SLC19A3: variants seen among roughly 807,000 people sequenced by gnomAD.
SLC19A3 encodes the protein thiamine transporter 2.
SLC19A3 carries 31 observed loss-of-function variants against 40.2 expected under a neutral mutation model. That is an observed-to-expected ratio of 0.77 (90% CI 0.58 to 1.04). The LOEUF is 1.04. Among genes scored for constraint, SLC19A3 ranks in the 50% least tolerant of loss-of-function variants. SLC19A3 has a pLI of 0.00. For missense variants in SLC19A3, 592 were observed against 596.7 expected (o/e 0.99, Z 0.08); for synonymous variants, 212 against 227.5 (o/e 0.93, Z 0.61).
chr2:227,688,789 C>T lies in SLC19A3; in HGVS notation c.1173-482G>A, dbSNP rs138788366. 4.0e-3 allele frequency among the ~76,000 whole-genome samples: 613 copies of T among 152,220 alleles called. 4 individuals are homozygous for T. Among genetic ancestry groups the T allele is most frequent in the Non-Finnish European group, 5.0e-3 (342 of 68,022 alleles). On this transcript the variant is annotated intron_variant, in intron 4 of 5. Transcript: ENST00000644224. ...TCACCAAACAAACTAAATAAGGCAC[C>T]AGGGACCAATCCTGGAGAAACATAT... is the stretch of plus-strand genomic sequence containing the variant.
Position 227,702,466 on chromosome 2 carries a change from C to T in SLC19A3, c.-2-146G>A, listed in dbSNP as rs535387952. On this transcript the variant is annotated intron_variant, in intron 1 of 5. Coordinates refer to ENST00000644224, the MANE Select transcript of SLC19A3 (RefSeq NM_025243.4). ...TGAAGTGCAGTGGCATGATCTCAGC[C>T]CATTGCAACCTGTGCCTCCCGGGCT... 1.3e-4 allele frequency: 99 copies of T among 755,630 alleles called. 1 individual carries two copies. The Middle Eastern group carries it at 1.5e-3, about 12-fold the overall frequency. 46.8% of individuals were successfully genotyped at this position (755,630 alleles called of 1,614,324 possible). A position where few individuals can be genotyped will look rare whatever the true frequency, so the allele number is the denominator to read the frequency against.
chr2:227,717,485 C>T (rs1286006279), intron 1 of SLC19A3, among the ~76,000 whole-genome samples: 1 of 152,122 alleles, frequency 6.6e-6, no homozygotes, highest in East Asian at 1.9e-4. Context: ...GTTGCGTTTT[C>T]TTTTAGTTTC....
chr2:227,699,251 G>A lies in SLC19A3; in HGVS notation c.464C>T (p.Ser155Leu), dbSNP rs1131691615. 1 of 1,614,016 alleles carries A rather than the reference G, an allele frequency of 6.2e-7. No individual in the cohort carries two copies. Among genetic ancestry groups the A allele is most frequent in the Non-Finnish European group, 8.5e-7 (1 of 1,179,950 alleles). ...GGATACCAAGAGTTGAGCCAGCACC[G>A]ACCCTGCTGTGTAGGCGGCCAGCGT... is the stretch of plus-strand genomic sequence containing the variant. ...SVTLAAYTAG[S>L]VLAQLLVSLA... Residue 155 changes from serine (S) to leucine (L), a missense_variant, in exon 3 of 6, where the codon TCG (serine) becomes TTG (leucine). Ser to Leu is a moderately radical substitution (Grantham distance 145, BLOSUM62 -2). Transcript: ENST00000644224.
intron 3 of SLC19A3, 42 bp downstream of exon 3, chr2:227,698,694 C>T (rs79612836): frequency 6.5e-7 from 1 of 1,544,654 alleles, no homozygotes; most frequent in Non-Finnish European, 8.9e-7. Context: ...TGGACTTAAG[C>T]GGGTAAAGCC....
intron 4 of SLC19A3, chr2:227,695,673 A>G (rs1185799261): frequency 7.0e-6 from 4 of 570,574 alleles, no homozygotes; most frequent in Non-Finnish European, 1.2e-5. Context: ...AAACCTACAG[A>G]GTTTTTTCCC....
intron 1 of SLC19A3, among the ~76,000 whole-genome samples, chr2:227,716,990 GTGCTTTTTTTTTT>G (rs1696354840): frequency 7.8e-6 from 1 of 128,458 alleles, no homozygotes; most frequent in Non-Finnish European, 1.6e-5. Context: ...ACACATGAGA[GTGCTTTTTTTTTT>G]TTTTTTTTTT....
chr2:227,714,054 T>A (rs542990859), intron 1 of SLC19A3, among the ~76,000 whole-genome samples: 1 of 152,258 alleles, frequency 6.6e-6, no homozygotes, highest in African/African-American at 2.4e-5. Flanking sequence ...TATATCTTGA[T>A]GGGATATAGT....
intron 3 of SLC19A3, among the ~76,000 whole-genome samples, chr2:227,696,591 T>C (rs1219281839): frequency 1.3e-5 from 2 of 152,216 alleles, no homozygotes; most frequent in African/African-American, 4.8e-5. Flanking sequence ...GTCTTTATTA[T>C]GAACCTTTAG....
intron 1 of SLC19A3, among the ~76,000 whole-genome samples, chr2:227,713,630 T>C (rs1219138974): frequency 1.3e-5 from 2 of 152,200 alleles, no homozygotes; most frequent in Non-Finnish European, 1.5e-5. Context: ...TGGGATTCTT[T>C]AGAGTCCATA....
rs1006296215 is a variant in SLC19A3, at chr2:227,696,143, C to A, written c.980-62G>T. 102 of 1,527,630 alleles carry A rather than the reference C, an allele frequency of 6.7e-5. 1 individual carries two copies. The Middle Eastern group carries it at 1.0e-3, about 15-fold the overall frequency. The allele number at this position is 1,527,630 out of a possible 1,614,324, so 94.6% of individuals were successfully genotyped here. On this transcript the variant is annotated intron_variant, in intron 3 of 5. Transcript: ENST00000644224. Reference sequence around the variant, plus strand: ...CTTTGCATGCAGGAAAATATCAACACCCTCTCTTAAAAACCCAGGTCTCGG... The same window carrying A: ...CTTTGCATGCAGGAAAATATCAACAACCTCTCTTAAAAACCCAGGTCTCGG...
intron 4 of SLC19A3, among the ~76,000 whole-genome samples, chr2:227,692,571 A>G: frequency 6.6e-6 from 1 of 152,228 alleles, no homozygotes; most frequent in East Asian, 1.9e-4. Context: ...AAAGCCATAT[A>G]TGACAGACCT....
chr2:227,685,989 G>A lies in SLC19A3; in HGVS notation c.*1408C>T. The A allele has an allele frequency of 4.2e-6, 1 of 240,448 alleles. No homozygotes were observed. The highest frequency in any genetic ancestry group is 8.6e-6 in the Non-Finnish European group (1 of 115,632). 14.9% of individuals were successfully genotyped at this position (240,448 alleles called of 1,614,324 possible). A position where few individuals can be genotyped will look rare whatever the true frequency, so the allele number is the denominator to read the frequency against. On this transcript the variant is annotated 3_prime_UTR_variant, in exon 6 of 6. Transcript: ENST00000644224. ...AGGCAGACAGATCACCTGAAGTCAG[G>A]AGTTTGAGACCAGCCTGGCCAACAT...
chr2:227,709,916 C>T (rs1345258786), intron 1 of SLC19A3, among the ~76,000 whole-genome samples: 5 of 152,168 alleles, frequency 3.3e-5, no homozygotes, highest in Middle Eastern at 3.4e-3. Context: ...TCATGGAAGA[C>T]AATTTTTCCA....
intron 1 of SLC19A3, chr2:227,706,645 C>T (rs7559691): frequency 0.16 from 32,596 of 205,074 alleles, 3,302 homozygotes; most frequent in African/African-American, 0.3. Flanking sequence ...GTGGTGGGTG[C>T]CTGTAATCCC....
In SLC19A3 at chr2:227,701,120, G is replaced by A. The variant is rs1358966473; in HGVS notation, c.150+1049C>T. 20 of 1,278,298 alleles carry A rather than the reference G, an allele frequency of 1.6e-5. 1 individual carries two copies. Among genetic ancestry groups the A allele is most frequent in the Middle Eastern group, 2.2e-4 (1 of 4,554 alleles). 79.2% of individuals were successfully genotyped at this position (1,278,298 alleles called of 1,614,324 possible). A position where few individuals can be genotyped will look rare whatever the true frequency, so the allele number is the denominator to read the frequency against. ...TGGCATGCTTCAACCTGAGCAACTC[G>A]GAAACAGGGTTGTCCCTAAGTGATC... On this transcript the variant is annotated intron_variant, in intron 2 of 5. Coordinates refer to ENST00000644224, the MANE Select transcript of SLC19A3 (RefSeq NM_025243.4).
intron 4 of SLC19A3, among the ~76,000 whole-genome samples, chr2:227,692,841 ATAAGT>A (rs1695285677): frequency 6.6e-6 from 1 of 152,222 alleles, no homozygotes; most frequent in Non-Finnish European, 1.5e-5. Context: ...GAACTGATAA[ATAAGT>A]TCAGTATATT....
At chr2:227,700,956 C>T (rs1249543412) in intron 2 of SLC19A3, 2 of 1,303,530 alleles carry the variant, frequency 1.5e-6, no homozygotes, top group Admixed American at 2.3e-5. Context: ...AGCAGGAGGC[C>T]ACAGAGCAAA....
intron 1 of SLC19A3, among the ~76,000 whole-genome samples, chr2:227,709,784 T>C (rs1696077138): frequency 6.6e-6 from 1 of 152,170 alleles, no homozygotes; most frequent in African/African-American, 2.4e-5. Flanking sequence ...AAGAAATCAC[T>C]TTATCAAGTC....
At chr2:227,711,778 C>T (rs1178568787) in intron 1 of SLC19A3, among the ~76,000 whole-genome samples, 1 of 151,774 alleles carries the variant, frequency 6.6e-6, no homozygotes, top group Non-Finnish European at 1.5e-5. Context: ...GGCTGGGCAC[C>T]GTGGCTCATG....
Sources: gnomAD v4.1 joint callset for allele counts (sites outside exome capture counted in the v4.1 genomes callset) on GRCh38, gnomAD v4.1.1 for gene constraint, MANE v1.5 for transcripts, NCBI Gene and HGNC (gene_info 2026-07-23, HGNC 2026-07-21) for gene names.